FAM110B: variants seen among roughly 807,000 people sequenced by gnomAD.
The protein encoded by FAM110B is family with sequence similarity 110 member B, also known as protein FAM110B.
In FAM110B, 6 loss-of-function variants were observed where a neutral mutation model predicts 20.4. The ratio of observed to expected loss-of-function variants is 0.29; its 90% CI spans 0.16 to 0.58. The LOEUF (loss-of-function observed/expected upper bound fraction) is 0.58, where lower values mean the gene tolerates loss of function less well. Ranked by LOEUF, FAM110B falls within the 20% of genes least tolerant of loss-of-function variation. The pLI is 0.90. For synonymous variants in FAM110B, 226 were observed against 214.1 expected (o/e 1.06, Z -0.49); for missense variants, 434 against 498.2 (o/e 0.87, Z 1.23).
chr8:58,125,317 C>T (rs1033994095), intron 3 of FAM110B, among the ~76,000 whole-genome samples: 2 of 152,142 alleles, frequency 1.3e-5, no homozygotes, highest in Admixed American at 6.5e-5. Flanking sequence ...CAGTGCACTC[C>T]AGCCTGGGTG....
intron 1 of FAM110B, among the ~76,000 whole-genome samples, chr8:58,006,152 GA>G (rs1419269340): frequency 6.6e-6 from 1 of 152,204 alleles, no homozygotes; most frequent in Non-Finnish European, 1.5e-5. Flanking sequence ...GTTTATGGTT[GA>G]AATAGTTGAT....
intron 2 of FAM110B, among the ~76,000 whole-genome samples, chr8:58,063,281 A>C (rs1207158229): frequency 6.6e-6 from 1 of 152,208 alleles, no homozygotes; most frequent in Non-Finnish European, 1.5e-5. Context: ...AACAATTTAT[A>C]TTCAGTGTTA....
intron 3 of FAM110B, among the ~76,000 whole-genome samples, chr8:58,086,697 CT>C (rs1166906718): frequency 5.3e-5 from 8 of 152,190 alleles, no homozygotes; most frequent in Non-Finnish European, 7.3e-5. Context: ...ATGTAAAATA[CT>C]CTACAAACTG....
chr8:58,103,159 A>ATTTC (rs1012752943), intron 3 of FAM110B, among the ~76,000 whole-genome samples: 9 of 149,830 alleles, frequency 6.0e-5, no homozygotes, highest in South Asian at 2.2e-4. Flanking sequence ...AAGGGCATGT[A>ATTTC]TTTCTTTCTT....
chr8:58,065,757 T>G (rs1026147761), intron 2 of FAM110B, among the ~76,000 whole-genome samples: 1 of 152,114 alleles, frequency 6.6e-6, no homozygotes, highest in Non-Finnish European at 1.5e-5. Flanking sequence ...CCTGGACCAT[T>G]TCCGTATCTG....
intron 3 of FAM110B, among the ~76,000 whole-genome samples, chr8:58,143,032 G>A (rs967652910): frequency 2.7e-4 from 34 of 126,916 alleles, no homozygotes; most frequent in African/African-American, 9.2e-4. Flanking sequence ...TGGTTATCTC[G>A]TACAAAGTCT....
intron 1 of FAM110B, among the ~76,000 whole-genome samples, chr8:58,000,198 A>G (rs779209806): frequency 2.0e-5 from 3 of 152,254 alleles, no homozygotes; most frequent in Non-Finnish European, 4.4e-5. Context: ...ATAGCAGCCA[A>G]GGAACCAGGT....
intron 3 of FAM110B, among the ~76,000 whole-genome samples, chr8:58,082,853 T>TG (rs1806234448): frequency 6.6e-6 from 1 of 150,864 alleles, no homozygotes; most frequent in Non-Finnish European, 1.5e-5. Context: ...TTTTGTTTTT[T>TG]TTTTTTTTAA....
At chr8:58,037,336 A>G (rs1459198605) in intron 2 of FAM110B, among the ~76,000 whole-genome samples, 1 of 147,756 alleles carries the variant, frequency 6.8e-6, no homozygotes, top group Non-Finnish European at 1.5e-5. Context: ...TGTTTTTTTA[A>G]TTAAAATGTC....
chr8:58,064,317 T>C (rs1008881587), intron 2 of FAM110B, among the ~76,000 whole-genome samples: 2 of 152,202 alleles, frequency 1.3e-5, no homozygotes, highest in African/African-American at 4.8e-5. Context: ...AATTATTTCA[T>C]TTTTGGGGCA....
chr8:58,092,613 C>T (rs1327864266), intron 3 of FAM110B, among the ~76,000 whole-genome samples: 2 of 152,182 alleles, frequency 1.3e-5, no homozygotes, highest in East Asian at 1.9e-4. Flanking sequence ...CAATGGTGTA[C>T]ATATGTCACA....
chr8:58,011,545 TACCCACTGTGC>T (rs1286458841), intron 1 of FAM110B, among the ~76,000 whole-genome samples: 1 of 152,190 alleles, frequency 6.6e-6, no homozygotes, highest in East Asian at 1.9e-4. Context: ...CGTATATGTT[TACCCACTGTGC>T]ACGCACTCAG....
intron 3 of FAM110B, among the ~76,000 whole-genome samples, chr8:58,110,618 C>T (rs151004539): frequency 1.3e-4 from 20 of 152,262 alleles, no homozygotes; most frequent in Non-Finnish European, 2.4e-4. Flanking sequence ...AATCAGAGCC[C>T]TTGGCTAAGG....
intron 2 of FAM110B, among the ~76,000 whole-genome samples, chr8:58,072,926 A>T (rs1306540826): frequency 6.6e-6 from 1 of 152,234 alleles, no homozygotes; most frequent in Non-Finnish European, 1.5e-5. Flanking sequence ...ATGATATTGC[A>T]TGTAAGAGTT....
chr8:58,106,924 C>G (rs996070620), intron 3 of FAM110B, among the ~76,000 whole-genome samples: 1 of 152,132 alleles, frequency 6.6e-6, no homozygotes, highest in Non-Finnish European at 1.5e-5. Context: ...TTATAACTGA[C>G]GATAAGCGAG....
At chr8:58,072,530 A>G (rs1805925942) in intron 2 of FAM110B, among the ~76,000 whole-genome samples, 1 of 152,240 alleles carries the variant, frequency 6.6e-6, no homozygotes, top group Non-Finnish European at 1.5e-5. Flanking sequence ...TTTTATTTTC[A>G]GATGTATCAC....
intron 3 of FAM110B, among the ~76,000 whole-genome samples, chr8:58,093,304 TTA>T (rs975561840): frequency 7.2e-5 from 11 of 152,224 alleles, no homozygotes; most frequent in African/African-American, 2.4e-4. Flanking sequence ...TTTTGGTGTT[TTA>T]GTCATGAAGT....
At chr8:58,014,676 A>G (rs1205999274) in intron 1 of FAM110B, among the ~76,000 whole-genome samples, 1 of 152,152 alleles carries the variant, frequency 6.6e-6, no homozygotes, top group Non-Finnish European at 1.5e-5. Flanking sequence ...AGTCACATAC[A>G]TGTATGTTTT....
chr8:58,047,815 C>T (rs1283257248), intron 2 of FAM110B, among the ~76,000 whole-genome samples: 3 of 151,880 alleles, frequency 2.0e-5, no homozygotes, highest in Non-Finnish European at 4.4e-5. Context: ...ATATTGATAT[C>T]TTAGGGCTTT....
Sources: allele counts gnomAD v4.1 joint callset (sites outside exome capture counted in the v4.1 genomes callset), GRCh38; gene constraint gnomAD v4.1.1; transcripts MANE v1.5; gene names NCBI Gene and HGNC (gene_info 2026-07-23, HGNC 2026-07-21).